The following EPC2 variants were observed in gnomAD, a reference collection of about 807,000 sequenced individuals.
The protein encoded by EPC2 is enhancer of polycomb 2, also known as enhancer of polycomb homolog 2.
EPC2 carries 14 observed loss-of-function variants against 92.1 expected under a neutral mutation model. That is an observed-to-expected ratio of 0.15 (90% confidence interval 0.10 to 0.24). The LOEUF (loss-of-function observed/expected upper bound fraction) is 0.24, where lower values mean the gene tolerates loss of function less well. Among genes scored for constraint, EPC2 ranks in the 10% least tolerant of loss-of-function variants. EPC2 has a pLI of 1.00. For synonymous variants in EPC2, 340 were observed against 334.7 expected (o/e 1.02, Z -0.17); for missense variants, 755 against 971.5 (o/e 0.78, Z 2.96).
chr2:148,671,115 G>C (rs1338680336), intron 1 of EPC2, among the ~76,000 whole-genome samples: 2 of 152,122 alleles, frequency 1.3e-5, no homozygotes, highest in Admixed American at 6.5e-5. Flanking sequence ...AAGTTGCTTA[G>C]GTGTTCACTT....
At chr2:148,664,724 A>G (rs1681025369) in intron 1 of EPC2, among the ~76,000 whole-genome samples, 1 of 152,168 alleles carries the variant, frequency 6.6e-6, no homozygotes, top group African/African-American at 2.4e-5. Context: ...TTTTATATAA[A>G]TGGAATCACA....
intron 10 of EPC2, among the ~76,000 whole-genome samples, chr2:148,780,118 A>G (rs1683719934): frequency 6.6e-6 from 1 of 152,232 alleles, no homozygotes; most frequent in Admixed American, 6.5e-5. Flanking sequence ...GCAAAGAAAG[A>G]CATTTGATTT....
At position 148,781,652 on chromosome 2, in the gene EPC2, G is replaced by T. The variant is rs766868866; in HGVS notation, c.1729G>T (p.Gly577Cys). ...TSKNGISVTG[G>C]ITEEQFQTHQ... ...TTCATGTTCTTTACCAGTAACAGGGGGTATCACAGAAGAGCAGTTTCAGAC... is the reference window on the plus strand; with the variant it reads ...TTCATGTTCTTTACCAGTAACAGGGTGTATCACAGAAGAGCAGTTTCAGAC... Residue 577 changes from glycine to cysteine, a missense_variant, in exon 11 of 14, where the codon GGT (glycine) becomes TGT (cysteine). Coordinates refer to ENST00000258484, the MANE Select transcript of EPC2 (RefSeq NM_015630.4). 1 of 1,612,304 alleles carries T rather than the reference G, an allele frequency of 6.2e-7. No homozygotes were observed. The highest frequency in any genetic ancestry group is 8.5e-7 in the Non-Finnish European group (1 of 1,179,312).
chr2:148,679,837 A>G (rs1303054030), intron 1 of EPC2, among the ~76,000 whole-genome samples: 7 of 152,118 alleles, frequency 4.6e-5, no homozygotes, highest in Non-Finnish European at 1.0e-4. Context: ...ATAGAGAATC[A>G]TAGTCTCACC....
At chr2:148,645,347 C>A in intron 1 of EPC2, 177 bp downstream of exon 1, 1 of 572,870 alleles carries the variant, frequency 1.7e-6, no homozygotes, top group South Asian at 2.1e-5. Context: ...TAGCGCCCGC[C>A]CGCGGCCGCC....
chr2:148,759,703 G>A (rs906036225), intron 4 of EPC2, among the ~76,000 whole-genome samples: 37 of 151,984 alleles, frequency 2.4e-4, no homozygotes, highest in Admixed American at 2.2e-3. Flanking sequence ...ATTTATAGAT[G>A]TGTGTGTTTA....
Position 148,692,798 on chromosome 2 carries a change from G to A in EPC2, c.313+2425G>A, listed in dbSNP as rs1681670028. On this transcript the variant is annotated intron_variant, in intron 2 of 13. Transcript: ENST00000258484. ...TAAAAATCGGGTGTAACTCATGTGG[G>A]TCAGGCCCATCGAATACAATAAACA... 2.0e-5 allele frequency: 3 copies of A among 152,100 alleles called. No homozygotes were observed. The South Asian group carries it at 6.2e-4, about 32-fold the overall frequency. 9.4% of individuals were successfully genotyped at this position (152,100 alleles called of 1,614,324 possible). A position where few individuals can be genotyped will look rare whatever the true frequency, so the allele number is the denominator to read the frequency against.
At position 148,644,846 on chromosome 2, in the gene EPC2, GT is replaced by G; in HGVS notation, c.-168del. On this transcript the variant is annotated 5_prime_UTR_variant, in exon 1 of 14. Transcript: ENST00000258484. ...GAGGCGGCCGCGGGCGCGGGGGGCT[GT>G]TTTCGGGCGGGGTGGGCGCCCATGC... The G allele has an allele frequency of 1.8e-6, 1 of 564,612 alleles. No homozygotes were observed. Among genetic ancestry groups the G allele is most frequent in the Non-Finnish European group, 3.0e-6 (1 of 329,950 alleles). The allele number at this position is 564,612 out of a possible 1,614,324, so 35.0% of individuals were successfully genotyped here.
Position 148,645,116 on chromosome 2 carries a change from C to T in EPC2, c.99C>T (p.Ser33=). 3.7e-6 allele frequency: 6 copies of T among 1,608,082 alleles called. No homozygotes were observed. The highest frequency in any genetic ancestry group is 5.1e-6 in the Non-Finnish European group (6 of 1,177,260). Residue 33 remains serine, a synonymous_variant, in exon 1 of 14, where the codon TCC becomes TCT. Coordinates refer to ENST00000258484, the MANE Select transcript of EPC2 (RefSeq NM_015630.4). ...TGCCTGATCTCAACGACTGCGTCTC[C>T]ATCAACCGGGCCGTGCCCCAGATGC... ...KDMPDLNDCV[S]INRAVPQMPT...
chr2:148,786,548 A>T lies in EPC2; in HGVS notation c.*171A>T, dbSNP rs189265219. ...ATGTATATTTTGTAAAATTGGGAAA[A>T]TCACTACCTTGTAAAATAGTTTATT... On this transcript the variant is annotated 3_prime_UTR_variant, in exon 14 of 14. Coordinates refer to ENST00000258484, the MANE Select transcript of EPC2 (RefSeq NM_015630.4). The T allele has an allele frequency of 5.0e-5, 24 of 481,932 alleles. No individual in the cohort carries two copies. The highest frequency in any genetic ancestry group is 8.3e-5 in the Non-Finnish European group (22 of 265,476). 29.9% of individuals were successfully genotyped at this position (481,932 alleles called of 1,614,324 possible).
chr2:148,657,000 T>G (rs894461489), intron 1 of EPC2, among the ~76,000 whole-genome samples: 2 of 151,976 alleles, frequency 1.3e-5, no homozygotes, highest in Admixed American at 1.3e-4. Flanking sequence ...TGCCATGAGT[T>G]TTTTTTTAGA....
intron 1 of EPC2, among the ~76,000 whole-genome samples, chr2:148,656,559 C>T (rs936321710): frequency 3.9e-5 from 6 of 152,180 alleles, no homozygotes; most frequent in African/African-American, 7.2e-5. Flanking sequence ...ACTGCACTGT[C>T]TCCTACTGTC....
intron 2 of EPC2, among the ~76,000 whole-genome samples, chr2:148,736,596 A>G (rs1682760689): frequency 6.6e-6 from 1 of 152,182 alleles, no homozygotes; most frequent in African/African-American, 2.4e-5. Context: ...AAAAATTTTG[A>G]GATAAAATAC....
chr2:148,782,522 G>A (rs1683773795), intron 11 of EPC2, among the ~76,000 whole-genome samples: 1 of 150,112 alleles, frequency 6.7e-6, no homozygotes, highest in South Asian at 2.2e-4. Flanking sequence ...GGGTGATAGA[G>A]TCAGACTATG....
rs575743181 is a variant in EPC2 at position 148,684,826 on chromosome 2, G to C, written c.154-5388G>C. ...TGAGTAATTAATCACGTTGCTCTCT[G>C]GAATGGTAGAAAGTCTGTGCTTCCA... On this transcript the variant is annotated intron_variant, in intron 1 of 13. Transcript: ENST00000258484. Among the ~76,000 whole-genome samples, 5 of 152,314 alleles carry C rather than the reference G, an allele frequency of 3.3e-5. No homozygotes were observed. In the South Asian group the frequency reaches 1.0e-3, roughly 32 times the overall value.
intron 2 of EPC2, among the ~76,000 whole-genome samples, chr2:148,715,524 A>G (rs901230837): frequency 6.6e-6 from 1 of 152,152 alleles, no homozygotes; most frequent in African/African-American, 2.4e-5. Flanking sequence ...GTTGGAGGTC[A>G]GGTGGTTGTA....
chr2:148,705,297 TA>T (rs34757512), intron 2 of EPC2, among the ~76,000 whole-genome samples: 27,806 of 150,166 alleles, frequency 0.19, 3,261 homozygotes, highest in East Asian at 0.49. Context: ...GTTATCATTT[TA>T]AAAAAAAAAC....
intron 13 of EPC2, among the ~76,000 whole-genome samples, chr2:148,786,070 A>G (rs913626874): frequency 6.6e-6 from 1 of 152,224 alleles, no homozygotes; most frequent in Admixed American, 6.5e-5. Flanking sequence ...TGCCATGTTA[A>G]ATTATTATCT....
intron 2 of EPC2, among the ~76,000 whole-genome samples, chr2:148,719,549 T>C (rs1682325921): frequency 6.6e-6 from 1 of 151,978 alleles, no homozygotes; most frequent in South Asian, 2.1e-4. Flanking sequence ...TTCCTGTACC[T>C]GGAGGTATCA....
Sources: gnomAD v4.1 joint callset for allele counts (sites outside exome capture counted in the v4.1 genomes callset) on GRCh38, gnomAD v4.1.1 for gene constraint, MANE v1.5 for transcripts, NCBI Gene and HGNC (gene_info 2026-07-23, HGNC 2026-07-21) for gene names.